The following TASP1 variants were observed in gnomAD, a reference collection of about 807,000 sequenced individuals.
The protein encoded by TASP1 is threonine aspartase 1.
A neutral mutation model predicts 56.6 loss-of-function variants in TASP1; 16 were observed. That is an observed-to-expected ratio of 0.28 (90% confidence interval 0.19 to 0.43). The LOEUF is 0.43. TASP1 is among the 20% of genes least tolerant of loss of function. The pLI is 1.00. For synonymous variants in TASP1, 179 were observed against 184.2 expected, an observed-to-expected ratio of 0.97 and a Z score of 0.23; for missense variants, 393 against 511.6, an observed-to-expected ratio of 0.77 and a Z score of 2.24.
chr20:13,558,906 A>G (rs2046251316), intron 8 of TASP1, 102 bp downstream of exon 8: 2 of 626,222 alleles, frequency 3.2e-6, no homozygotes, highest in East Asian at 6.0e-5. Context: ...TATGTGACAC[A>G]CATTCTATTT....
the TASP1 span, among the ~76,000 whole-genome samples, chr20:13,335,011 A>T: frequency 1.3e-5 from 2 of 149,582 alleles, no homozygotes; most frequent in Non-Finnish European, 3.0e-5. Context: ...AGGAGCTCTA[A>T]ATTGCTCAGT....
At chr20:13,334,480 C>T in the TASP1 span, among the ~76,000 whole-genome samples, 2 of 152,174 alleles carry the variant, frequency 1.3e-5, no homozygotes, top group Non-Finnish European at 2.9e-5. Flanking sequence ...CTCTTCTTAA[C>T]GCTATCAAGG....
At chr20:13,144,876 A>G in the TASP1 span, among the ~76,000 whole-genome samples, 1 of 152,004 alleles carries the variant, frequency 6.6e-6, no homozygotes, top group Non-Finnish European at 1.5e-5. Context: ...CCAGGTTCAC[A>G]CCATTCTCCT....
the TASP1 span, among the ~76,000 whole-genome samples, chr20:13,163,603 C>T: frequency 6.6e-6 from 1 of 151,872 alleles, no homozygotes; most frequent in African/African-American, 2.4e-5. Flanking sequence ...TTTAGAAAAA[C>T]AGGGAAGAAC....
intron 10 of TASP1, among the ~76,000 whole-genome samples, chr20:13,524,162 T>A (rs368263259): frequency 6.6e-6 from 1 of 151,434 alleles, no homozygotes; most frequent in Admixed American, 6.6e-5. Flanking sequence ...TTTTTTTTTT[T>A]AAAGGAAAGA....
intron 10 of TASP1, among the ~76,000 whole-genome samples, chr20:13,500,855 C>T (rs1297813095): frequency 2.0e-5 from 3 of 151,872 alleles, no homozygotes; most frequent in African/African-American, 7.2e-5. Flanking sequence ...AATATAATAG[C>T]TAAGAATTTT....
At chr20:13,506,146 G>A (rs2146679803) in intron 10 of TASP1, among the ~76,000 whole-genome samples, 1 of 152,194 alleles carries the variant, frequency 6.6e-6, no homozygotes, top group East Asian at 1.9e-4. Context: ...AGATAACCTA[G>A]TAGAAATGCA....
At chr20:13,634,643 T>A (rs2049223930) in intron 1 of TASP1, among the ~76,000 whole-genome samples, 1 of 149,490 alleles carries the variant, frequency 6.7e-6, no homozygotes, top group African/African-American at 2.5e-5. Context: ...GACAGGAGAA[T>A]CGCTTGAACC....
the TASP1 span, among the ~76,000 whole-genome samples, chr20:13,296,610 G>A: frequency 3.3e-5 from 5 of 152,190 alleles, no homozygotes; most frequent in African/African-American, 1.2e-4. Flanking sequence ...CTACCCTGAA[G>A]CCAGTCTCTT....
At chr20:13,209,777 T>G in the TASP1 span, among the ~76,000 whole-genome samples, 2 of 152,322 alleles carry the variant, frequency 1.3e-5, no homozygotes, top group South Asian at 4.1e-4. Context: ...TTAGAATGTA[T>G]GAGATTATGC....
intron 4 of TASP1, among the ~76,000 whole-genome samples, chr20:13,605,678 T>C (rs927987509): frequency 6.6e-6 from 1 of 150,646 alleles, no homozygotes; most frequent in Non-Finnish European, 1.5e-5. Context: ...GACCTTTCTC[T>C]AAAAAAAAAT....
the TASP1 span, among the ~76,000 whole-genome samples, chr20:13,180,020 T>C: frequency 1.3e-5 from 2 of 152,120 alleles, no homozygotes; most frequent in East Asian, 1.9e-4. Context: ...TTCTCTGAAG[T>C]CATCACTCAT....
the TASP1 span, among the ~76,000 whole-genome samples, chr20:13,123,135 A>G: frequency 1.3e-5 from 2 of 152,174 alleles, no homozygotes; most frequent in African/African-American, 4.8e-5. Context: ...GTTCGAGACC[A>G]GCCTGGCCAA....
chr20:13,583,591 T>C (rs1383891905), intron 5 of TASP1, among the ~76,000 whole-genome samples: 1 of 152,230 alleles, frequency 6.6e-6, no homozygotes, highest in Non-Finnish European at 1.5e-5. Flanking sequence ...GACAAACTAC[T>C]AAATCTCTCT....
chr20:13,540,759 T>G (rs915506293), intron 8 of TASP1, among the ~76,000 whole-genome samples: 1 of 152,166 alleles, frequency 6.6e-6, no homozygotes, highest in African/African-American at 2.4e-5. Context: ...TCTGGAGTCA[T>G]GGAAATATTC....
chr20:13,279,628 C>A, the TASP1 span: 5 of 1,610,554 alleles, frequency 3.1e-6, no homozygotes, highest in Non-Finnish European at 4.2e-6. Flanking sequence ...GTTCTGAATT[C>A]TTCAGGTCAC....
chr20:13,248,573 G>C, the TASP1 span, among the ~76,000 whole-genome samples: 52 of 152,318 alleles, frequency 3.4e-4, no homozygotes, highest in African/African-American at 1.1e-3. Context: ...TCTTGAGCCA[G>C]GCCTCATAAT....
At chr20:13,317,948 A>G in the TASP1 span, among the ~76,000 whole-genome samples, 44 of 149,900 alleles carry the variant, frequency 2.9e-4, no homozygotes, top group African/African-American at 9.7e-4. Context: ...GGTAAGCTGG[A>G]CTTCATTAAA....
the TASP1 span, among the ~76,000 whole-genome samples, chr20:13,108,521 G>C: frequency 6.6e-6 from 1 of 152,170 alleles, no homozygotes; most frequent in Non-Finnish European, 1.5e-5. Flanking sequence ...TACGCTTCTT[G>C]AGAGCTTTGT....
Sources: gnomAD v4.1 joint callset for allele counts (sites outside exome capture counted in the v4.1 genomes callset) on GRCh38, gnomAD v4.1.1 for gene constraint, MANE v1.5 for transcripts, NCBI Gene and HGNC (gene_info 2026-07-23, HGNC 2026-07-21) for gene names.